FHIT: variants seen among roughly 807,000 people sequenced by gnomAD.
The protein encoded by FHIT is fragile histidine triad diadenosine triphosphatase.
FHIT carries 19 observed loss-of-function variants against 17.9 expected under a neutral mutation model. The observed-to-expected ratio is 1.06, with a 90% CI of 0.74 to 1.56. The LOEUF (loss-of-function observed/expected upper bound fraction) is 1.56. FHIT is among the 40% of genes most tolerant of loss of function. The pLI is 0.00. For missense variants in FHIT, 248 were observed against 189.2 expected, an observed-to-expected ratio of 1.31 and a Z score of -1.82; for synonymous variants, 81 against 69.7, an observed-to-expected ratio of 1.16 and a Z score of -0.81.
At position 60,937,712 on chromosome 3, in the gene FHIT, C is replaced by T. The variant is rs145699807; in HGVS notation, c.-111+104335G>A. Among the ~76,000 whole-genome samples, 481 of 151,910 alleles carry T rather than the reference C, an allele frequency of 3.2e-3. 2 individuals are homozygous for T. Among genetic ancestry groups the T allele is most frequent in the African/African-American group, 0.011 (453 of 41,442 alleles). On this transcript the variant is annotated intron_variant, in intron 3 of 9. Transcript: ENST00000492590. The stretch of plus-strand genomic sequence containing the variant: ...CTGAGTAGCTGGGATTACAGGTGCA[C>T]GCCATCATGCCCAGCTAATTTTTGT...
chr3:59,927,312 C>T (rs1705711849), intron 7 of FHIT, among the ~76,000 whole-genome samples: 1 of 152,102 alleles, frequency 6.6e-6, no homozygotes, highest in African/African-American at 2.4e-5. Context: ...TGCTAATGGG[C>T]ACAGGGTTTC....
chr3:59,956,663 T>C (rs1236106484), intron 7 of FHIT, among the ~76,000 whole-genome samples: 1 of 151,960 alleles, frequency 6.6e-6, no homozygotes, highest in Non-Finnish European at 1.5e-5. Flanking sequence ...CAAGACTGTC[T>C]CCAAAAATAA....
At chr3:60,290,993 C>T (rs732380) in intron 5 of FHIT, among the ~76,000 whole-genome samples, 57,778 of 151,940 alleles carry the variant, frequency 0.38, 12,430 homozygotes, top group East Asian at 0.76. Context: ...TTACTTGATA[C>T]TAGGATCTTT....
At chr3:60,011,775 T>C (rs1161627076) in intron 6 of FHIT, among the ~76,000 whole-genome samples, 2 of 152,204 alleles carry the variant, frequency 1.3e-5, no homozygotes, top group African/African-American at 2.4e-5. Context: ...ACTTTAAGCT[T>C]CTACTCAGGA....
chr3:60,510,001 T>C (rs190864610), intron 5 of FHIT, among the ~76,000 whole-genome samples: 9 of 152,270 alleles, frequency 5.9e-5, no homozygotes, highest in African/African-American at 1.9e-4. Flanking sequence ...TACAGCTTGG[T>C]GAGGTTGACT....
At chr3:60,441,773 T>A (rs2030865943) in intron 5 of FHIT, among the ~76,000 whole-genome samples, 8 of 3,868 alleles carry the variant, frequency 2.1e-3, no homozygotes, top group Non-Finnish European at 6.9e-3. Context: ...TATATATTTA[T>A]ATGTATAAAA....
intron 5 of FHIT, among the ~76,000 whole-genome samples, chr3:60,452,790 GTTA>G (rs1453614324): frequency 3.3e-5 from 5 of 152,106 alleles, no homozygotes; most frequent in Admixed American, 6.6e-5. Context: ...AATCAATTGA[GTTA>G]TTATTTTTCC....
intron 5 of FHIT, among the ~76,000 whole-genome samples, chr3:60,278,454 ACTCAGG>A (rs1480154964): frequency 6.6e-6 from 1 of 152,146 alleles, no homozygotes; most frequent in Non-Finnish European, 1.5e-5. Flanking sequence ...CAGCCTAGAA[ACTCAGG>A]CTCACTAAGA....
At chr3:60,860,668 GTAC>G (rs1703723908) in intron 3 of FHIT, among the ~76,000 whole-genome samples, 5 of 100,822 alleles carry the variant, frequency 5.0e-5, no homozygotes, top group African/African-American at 1.8e-4. Flanking sequence ...AGGTATATAT[GTAC>G]ATATGTACAT....
At chr3:60,226,472 CA>C (rs1189100387) in intron 5 of FHIT, among the ~76,000 whole-genome samples, 1,544 of 70,094 alleles carry the variant, frequency 0.022, 11 homozygotes, top group Non-Finnish European at 0.024. Context: ...AACTCCGTCT[CA>C]AAAAAAAAAA....
At chr3:60,447,125 G>T (rs1260019361) in intron 5 of FHIT, among the ~76,000 whole-genome samples, 1 of 152,036 alleles carries the variant, frequency 6.6e-6, no homozygotes, top group Non-Finnish European at 1.5e-5. Flanking sequence ...GGGAAAAGCA[G>T]CCTGTGGACT....
At chr3:60,295,581 G>T (rs1559797267) in intron 5 of FHIT, among the ~76,000 whole-genome samples, 1 of 152,154 alleles carries the variant, frequency 6.6e-6, no homozygotes, top group Admixed American at 6.5e-5. Context: ...CATTCATGAG[G>T]GATCTGCCAC....
At chr3:60,424,133 T>A (rs1012970964) in intron 5 of FHIT, among the ~76,000 whole-genome samples, 6 of 152,134 alleles carry the variant, frequency 3.9e-5, no homozygotes, top group African/African-American at 1.4e-4. Flanking sequence ...GATTACTACT[T>A]TTATTTTACT....
chr3:59,806,702 ATGTG>A (rs1415308302), intron 8 of FHIT, among the ~76,000 whole-genome samples: 15 of 13,156 alleles, frequency 1.1e-3, no homozygotes, highest in African/African-American at 2.7e-3. Context: ...ATATGTATAT[ATGTG>A]TATATACATA....
intron 4 of FHIT, among the ~76,000 whole-genome samples, chr3:60,548,519 T>G (rs1290264695): frequency 6.6e-6 from 1 of 152,168 alleles, no homozygotes; most frequent in Admixed American, 6.5e-5. Flanking sequence ...ATCAACAGAT[T>G]ACCTGAAAAC....
At position 60,955,633 on chromosome 3, in the gene FHIT, T is replaced by TATATATACAC. The variant is rs1272864632; in HGVS notation, c.-111+86413_-111+86414insGTGTATATAT. On this transcript the variant is annotated intron_variant, in intron 3 of 9. Coordinates refer to ENST00000492590, the MANE Select transcript of FHIT (RefSeq NM_002012.4). ...ATATATATATATATATATATATATA[T>TATATATACAC]ACACACACACACATATATACATGTG... 8.6e-3 allele frequency among the ~76,000 whole-genome samples: 338 copies of TATATATACAC among 39,202 alleles called. 4 individuals are homozygous for TATATATACAC. The highest frequency in any genetic ancestry group is 0.013 in the African/African-American group (156 of 12,322). 25.7% of individuals were successfully genotyped at this position (39,202 alleles called of 152,430 possible).
At chr3:60,783,688 G>C (rs2064013) in intron 4 of FHIT, among the ~76,000 whole-genome samples, 1 of 132,556 alleles carries the variant, frequency 7.5e-6, no homozygotes, top group Non-Finnish European at 1.6e-5. Flanking sequence ...TGTGTAAAAA[G>C]GGGGACTAAT....
At chr3:60,512,183 T>C (rs1486715659) in intron 5 of FHIT, among the ~76,000 whole-genome samples, 3 of 152,172 alleles carry the variant, frequency 2.0e-5, no homozygotes, top group Non-Finnish European at 4.4e-5. Context: ...TTAATTCAAG[T>C]CACAGCAAAC....
At chr3:60,916,280 A>G (rs1706997172) in intron 3 of FHIT, among the ~76,000 whole-genome samples, 1 of 152,218 alleles carries the variant, frequency 6.6e-6, no homozygotes, top group Non-Finnish European at 1.5e-5. Context: ...ATTACTAGAA[A>G]TGGAACTGCT....
Sources: gnomAD v4.1 joint callset for allele counts (sites outside exome capture counted in the v4.1 genomes callset) on GRCh38, gnomAD v4.1.1 for gene constraint, MANE v1.5 for transcripts, NCBI Gene and HGNC (gene_info 2026-07-23, HGNC 2026-07-21) for gene names.